BOD1L1: variants seen among roughly 807,000 people sequenced by gnomAD.
BOD1L1 encodes biorientation of chromosomes in cell division protein 1-like 1.
Under a neutral mutation model 240.7 loss-of-function variants are expected in BOD1L1, and 86 were observed. The observed-to-expected ratio is 0.36, with a 90% CI of 0.30 to 0.43. The LOEUF (loss-of-function observed/expected upper bound fraction) is 0.43. Ranked by LOEUF, BOD1L1 falls within the 20% of genes least tolerant of loss-of-function variation. BOD1L1 has a pLI of 1.00. For synonymous variants in BOD1L1, 1,268 were observed against 1,272.3 expected, an observed-to-expected ratio of 1.00 and a Z score of 0.07; for missense variants, 3,554 against 3,643.5, an observed-to-expected ratio of 0.98 and a Z score of 0.63.
At chr4:13,587,118 G>C (rs1336853859) in intron 16 of BOD1L1, among the ~76,000 whole-genome samples, 1 of 152,130 alleles carries the variant, frequency 6.6e-6, no homozygotes, top group Non-Finnish European at 1.5e-5. Context: ...TGTTCAACAT[G>C]ATAGTCACTA....
chr4:13,583,694 A>G (rs1382665574), intron 17 of BOD1L1, among the ~76,000 whole-genome samples: 1 of 152,234 alleles, frequency 6.6e-6, no homozygotes, highest in Non-Finnish European at 1.5e-5. Context: ...AAGAAGTGTC[A>G]GCTCAGCCAT....
At chr4:13,586,711 A>G (rs1397135062) in intron 16 of BOD1L1, among the ~76,000 whole-genome samples, 1 of 152,212 alleles carries the variant, frequency 6.6e-6, no homozygotes, top group Non-Finnish European at 1.5e-5. Flanking sequence ...CATGACACCA[A>G]TGAAGTAGTG....
chr4:13,625,174 G>C (rs985251235), intron 1 of BOD1L1: 7 of 152,138 alleles, frequency 4.6e-5, no homozygotes, highest in African/African-American at 1.7e-4. Context: ...GAAGAGTTTT[G>C]TTGTAACAAT....
At chr4:13,586,540 T>C in intron 16 of BOD1L1, 65 bp from the exon 17 acceptor site, 1 of 1,116,968 alleles carries the variant, frequency 9.0e-7, no homozygotes, top group Non-Finnish European at 1.3e-6. Context: ...AATGCATAGT[T>C]CTATTTTAAG....
At chr4:13,597,224 T>G in intron 10 of BOD1L1, 56 bp from the exon 11 acceptor site, 1 of 1,375,266 alleles carries the variant, frequency 7.3e-7, no homozygotes, top group East Asian at 2.4e-5. Context: ...AAAATACATC[T>G]GGGGTCAAAA....
intron 1 of BOD1L1, among the ~76,000 whole-genome samples, chr4:13,622,209 T>C (rs984268826): frequency 6.6e-6 from 1 of 152,202 alleles, no homozygotes; most frequent in Non-Finnish European, 1.5e-5. Flanking sequence ...TTCTAAAGCC[T>C]AATTCTTCTT....
At position 13,599,419 on chromosome 4, in the gene BOD1L1, C is replaced by T; in HGVS notation, c.7481G>A (p.Gly2494Asp). 6.2e-7 allele frequency: 1 copy of T among 1,613,968 alleles called. No homozygotes were observed. The highest frequency in any genetic ancestry group is 8.5e-7 in the Non-Finnish European group (1 of 1,179,876). The change falls in exon 10 of 26, where the codon GGC becomes GAC. Residue 2494 changes from glycine (G) to aspartate (D), a missense_variant. Physicochemically the swap from Gly to Asp is moderately conservative, Grantham distance 94 (BLOSUM62 -1). This residue lies in a region of BOD1L1 where 3,393 missense variants were observed against 3,427.1 expected (regional missense o/e 0.99). Transcript: ENST00000040738. Reference sequence around the variant, plus strand: ...AGGTGAGTTAGCATTCCCCTCTAAGCCCCTTCCTGCTGAATAACTTGCTGT... The same window carrying T: ...AGGTGAGTTAGCATTCCCCTCTAAGTCCCTTCCTGCTGAATAACTTGCTGT... ...SSTASYSAGRGLEGNANSPAH... is the reference protein window; with the variant it reads ...SSTASYSAGRDLEGNANSPAH...
rs1311538943 is a variant in BOD1L1 at position 13,613,620 on chromosome 4, T to C, written c.1216A>G (p.Ile406Val). The C allele has an allele frequency of 1.9e-6, 3 of 1,605,726 alleles. No individual in the cohort carries two copies. Among genetic ancestry groups the C allele is most frequent in the Non-Finnish European group, 2.6e-6 (3 of 1,174,198 alleles). The stretch of plus-strand genomic sequence containing the variant: ...CTGGTATGAACAGAGCTAACTGTGA[T>C]GTCTGTAAGTCCATCCACATCAGAA... ...IDSDVDGLTD[I>V]TVSSVHTSDL... Residue 406 changes from isoleucine (I) to valine (V), a missense_variant, in exon 5 of 26, where the codon ATC becomes GTC. Transcript: ENST00000040738. The surrounding 1 kb of genome is among the most constrained non-coding windows in gnomAD (Gnocchi z 4.0).
chr4:13,579,233 G>A (rs1370849418), intron 22 of BOD1L1, among the ~76,000 whole-genome samples: 1 of 152,174 alleles, frequency 6.6e-6, no homozygotes, highest in Non-Finnish European at 1.5e-5. Context: ...AAAGGGGACT[G>A]AAGTTATAAA....
chr4:13,593,188 C>G (rs1714353018), intron 12 of BOD1L1: 2 of 152,076 alleles, frequency 1.3e-5, no homozygotes, highest in Admixed American at 1.3e-4. Flanking sequence ...GACCCCAAGC[C>G]TTTTGGATTA....
At chr4:13,608,269 T>C (rs1052366954) in intron 8 of BOD1L1, among the ~76,000 whole-genome samples, 3 of 152,198 alleles carry the variant, frequency 2.0e-5, no homozygotes, top group Non-Finnish European at 4.4e-5. Flanking sequence ...CTTATGCATG[T>C]ACATTTTTCA....
Position 13,600,653 on chromosome 4 carries a change from G to T in BOD1L1, c.6247C>A (p.Pro2083Thr). The change falls in exon 10 of 26, where the codon CCT (proline) becomes ACT (threonine). Residue 2083 changes from proline to threonine, a missense_variant. Around this residue, in one of 2 missense-constraint regions of BOD1L1, gnomAD observed 3,393 missense variants for 3,427.1 expected, o/e 0.99. Transcript: ENST00000040738. ...ISTSTTNDYTPQVSAITDVEG... is the reference protein window; with the variant it reads ...ISTSTTNDYTTQVSAITDVEG... Reference sequence around the variant, plus strand: ...ACATCTGTAATTGCGCTTACCTGAGGGGTGTAATCATTTGTGGTACTGGTG... The same window carrying T: ...ACATCTGTAATTGCGCTTACCTGAGTGGTGTAATCATTTGTGGTACTGGTG... 11 of 1,613,932 alleles carry T rather than the reference G, an allele frequency of 6.8e-6. No individual in the cohort carries two copies. The highest frequency in any genetic ancestry group is 8.5e-6 in the Non-Finnish European group (10 of 1,179,878).
chr4:13,599,707 G>A lies in BOD1L1; in HGVS notation c.7193C>T (p.Pro2398Leu). 1 of 1,613,752 alleles carries A rather than the reference G, an allele frequency of 6.2e-7. No individual in the cohort carries two copies. The highest frequency in any genetic ancestry group is 8.5e-7 in the Non-Finnish European group (1 of 1,179,880). Residue 2398 changes from proline to leucine, a missense_variant, in exon 10 of 26, where the codon CCC becomes CTC. Pro to Leu is a moderately conservative substitution (Grantham distance 98). Coordinates refer to ENST00000040738, the MANE Select transcript of BOD1L1 (RefSeq NM_148894.3). ...CTCCTCGGTGCTCACTGCCAACACG[G>A]GACCCGGTTCTTTGCCTCCCCTGAC... ...GPVRGGKEPG[P>L]VLAVSTEEGH... is the part of the protein sequence containing the mutation.
intron 5 of BOD1L1, among the ~76,000 whole-genome samples, chr4:13,611,685 T>G (rs1319604263): frequency 1.3e-5 from 2 of 152,260 alleles, no homozygotes; most frequent in Non-Finnish European, 2.9e-5. Context: ...AGCCTCCATC[T>G]GCGCCTCAGA....
chr4:13,620,100 G>A (rs142881558), intron 1 of BOD1L1, 33 bp from the exon 2 acceptor site: 3 of 1,564,758 alleles, frequency 1.9e-6, no homozygotes, highest in South Asian at 1.2e-5. Flanking sequence ...AAGTCTTCAA[G>A]GTTATACAGT....
chr4:13,598,026 C>G (rs1322807753), intron 10 of BOD1L1, among the ~76,000 whole-genome samples: 2 of 152,156 alleles, frequency 1.3e-5, no homozygotes, highest in African/African-American at 4.8e-5. Flanking sequence ...CAAGTCCAGC[C>G]CATGAGGACC....
At chr4:13,616,500 G>A (rs757618065) in intron 2 of BOD1L1, among the ~76,000 whole-genome samples, 3 of 152,196 alleles carry the variant, frequency 2.0e-5, no homozygotes, top group South Asian at 2.1e-4. Flanking sequence ...ATAAGAGAAC[G>A]TGAATTTATT....
At chr4:13,596,995 A>G in intron 11 of BOD1L1, 109 bp downstream of exon 11, 1 of 849,600 alleles carries the variant, frequency 1.2e-6, no homozygotes, top group Non-Finnish European at 1.8e-6. Flanking sequence ...AAATATCATA[A>G]GTACAATGAG....
intron 5 of BOD1L1, among the ~76,000 whole-genome samples, chr4:13,612,746 A>G (rs899874197): frequency 6.6e-6 from 1 of 152,166 alleles, no homozygotes; most frequent in African/African-American, 2.4e-5. Context: ...GAGTCAAGCT[A>G]AACAGTCTAA....
Sources: allele counts gnomAD v4.1 joint callset (sites outside exome capture counted in the v4.1 genomes callset), GRCh38; gene constraint gnomAD v4.1.1; regional missense constraint gnomAD v4.1.1; non-coding constraint Gnocchi (gnomAD v3.1); transcripts MANE v1.5; gene names NCBI Gene and HGNC (gene_info 2026-07-23, HGNC 2026-07-21).